Variants in SPATA17 observed in about 807,000 individuals in gnomAD.
SPATA17 encodes spermatogenesis associated 17.
In SPATA17, 53 loss-of-function variants were observed where a neutral mutation model predicts 62.2. The observed-to-expected ratio is 0.85, with a 90% confidence interval of 0.68 to 1.07. The LOEUF (loss-of-function observed/expected upper bound fraction) is 1.07. SPATA17 is among the 50% of genes least tolerant of loss of function. SPATA17 has a pLI of 0.00. For synonymous variants in SPATA17, 146 were observed against 146.8 expected (o/e 0.99, Z 0.04); for missense variants, 466 against 425.5 (o/e 1.10, Z -0.84).
rs1235599790 is a variant in SPATA17, at chr1:217,827,353, T to C, written c.1005+25503T>C. On this transcript the variant is annotated intron_variant, in intron 9 of 10. Transcript: ENST00000366933. Reference sequence around the variant, plus strand: ...AAAATGTCCATACTACCCAAAGCAATATACACATTTAAGACAATTTCTATT... The same window carrying C: ...AAAATGTCCATACTACCCAAAGCAACATACACATTTAAGACAATTTCTATT... 2.0e-5 allele frequency among the ~76,000 whole-genome samples: 3 copies of C among 152,124 alleles called. No individual in the cohort carries two copies. The East Asian group carries it at 5.8e-4, about 29-fold the overall frequency.
intron 5 of SPATA17, among the ~76,000 whole-genome samples, chr1:217,703,368 C>T (rs761962009): frequency 1.2e-4 from 18 of 150,634 alleles, no homozygotes; most frequent in East Asian, 4.0e-4. Flanking sequence ...GACGGGGTTT[C>T]GCCATGTTGG....
chr1:217,815,933 A>G (rs1674701480), intron 9 of SPATA17, among the ~76,000 whole-genome samples: 1 of 152,144 alleles, frequency 6.6e-6, no homozygotes, highest in African/African-American at 2.4e-5. Flanking sequence ...ACCCTGACTT[A>G]CATAGAGTGA....
chr1:217,785,943 G>GC (rs1278721110), intron 8 of SPATA17, among the ~76,000 whole-genome samples: 1 of 152,042 alleles, frequency 6.6e-6, no homozygotes, highest in Non-Finnish European at 1.5e-5. Flanking sequence ...ATTTTCTCAT[G>GC]CCATCTCAAA....
At chr1:217,647,555 G>C (rs571135351) in intron 1 of SPATA17, among the ~76,000 whole-genome samples, 86 of 152,098 alleles carry the variant, frequency 5.7e-4, no homozygotes, top group Non-Finnish European at 1.2e-3. Context: ...TTTTAAATAT[G>C]ATTGTGGCAA....
intron 1 of SPATA17, among the ~76,000 whole-genome samples, chr1:217,644,813 T>C (rs1340326286): frequency 6.6e-6 from 1 of 152,126 alleles, no homozygotes; most frequent in Non-Finnish European, 1.5e-5. Context: ...CTTTCATCAT[T>C]ATTAATTCAT....
At chr1:217,845,983 G>T (rs941268382) in intron 9 of SPATA17, among the ~76,000 whole-genome samples, 4 of 152,054 alleles carry the variant, frequency 2.6e-5, no homozygotes, top group African/African-American at 9.7e-5. Flanking sequence ...CTTGGAAGAG[G>T]AAATTCTTCT....
At chr1:217,680,137 G>C (rs1408380848) in intron 4 of SPATA17, among the ~76,000 whole-genome samples, 3 of 152,122 alleles carry the variant, frequency 2.0e-5, no homozygotes, top group Non-Finnish European at 4.4e-5. Flanking sequence ...TTTCCTGTCA[G>C]TACATGTATT....
intron 5 of SPATA17, among the ~76,000 whole-genome samples, chr1:217,741,618 C>T (rs1304607831): frequency 6.6e-6 from 1 of 151,900 alleles, no homozygotes; most frequent in East Asian, 1.9e-4. Context: ...TAAGGGAAAA[C>T]AGTAGCACAG....
intron 3 of SPATA17, among the ~76,000 whole-genome samples, chr1:217,666,893 G>T (rs1670708551): frequency 6.6e-6 from 1 of 152,008 alleles, no homozygotes; most frequent in Non-Finnish European, 1.5e-5. Flanking sequence ...TCAATTAGTG[G>T]TTCACTTAAG....
intron 7 of SPATA17, among the ~76,000 whole-genome samples, chr1:217,777,702 C>G (rs1169720135): frequency 6.6e-6 from 1 of 152,082 alleles, no homozygotes; most frequent in Non-Finnish European, 1.5e-5. Flanking sequence ...ACGCCAGGCC[C>G]ATGTATCAGC....
intron 9 of SPATA17, among the ~76,000 whole-genome samples, chr1:217,847,722 A>C (rs1202135051): frequency 6.6e-6 from 1 of 152,174 alleles, no homozygotes; most frequent in Non-Finnish European, 1.5e-5. Flanking sequence ...ATTTAAGGTA[A>C]ATGTAACTAC....
chr1:217,664,320 T>G (rs1571715592), intron 3 of SPATA17, among the ~76,000 whole-genome samples: 1 of 126,848 alleles, frequency 7.9e-6, no homozygotes, highest in Non-Finnish European at 1.6e-5. Context: ...TGAGATGGAG[T>G]CTCACTCTGT....
chr1:217,738,600 AG>A, intron 5 of SPATA17, among the ~76,000 whole-genome samples: 1 of 152,344 alleles, frequency 6.6e-6, no homozygotes, highest in East Asian at 1.9e-4. Context: ...TGCAGCCCAG[AG>A]GGTAAACAGC....
intron 5 of SPATA17, among the ~76,000 whole-genome samples, chr1:217,714,412 T>C (rs1447896478): frequency 6.6e-6 from 1 of 150,968 alleles, no homozygotes; most frequent in African/African-American, 2.4e-5. Flanking sequence ...AAGCAAAATA[T>C]CATGCACTAT....
chr1:217,667,999 C>T (rs1428325211), intron 3 of SPATA17, among the ~76,000 whole-genome samples: 1 of 152,208 alleles, frequency 6.6e-6, no homozygotes, highest in Non-Finnish European at 1.5e-5. Flanking sequence ...GCAATTCAAA[C>T]AACACTAATT....
intron 5 of SPATA17, among the ~76,000 whole-genome samples, chr1:217,738,173 G>T (rs1672554391): frequency 6.6e-6 from 1 of 152,182 alleles, no homozygotes; most frequent in Non-Finnish European, 1.5e-5. Flanking sequence ...TTTGCAAGGA[G>T]AAACCACCCC....
intron 9 of SPATA17, among the ~76,000 whole-genome samples, chr1:217,809,747 A>AGAAAAC (rs1260465721): frequency 2.6e-5 from 4 of 152,196 alleles, no homozygotes; most frequent in African/African-American, 9.6e-5. Context: ...CACACTGGGG[A>AGAAAAC]TCAAATTTCA....
intron 8 of SPATA17, among the ~76,000 whole-genome samples, chr1:217,796,574 T>C (rs1208909295): frequency 6.6e-6 from 1 of 152,210 alleles, no homozygotes; most frequent in African/African-American, 2.4e-5. Flanking sequence ...GGGGAAGATA[T>C]TGCTGCCTAA....
At chr1:217,657,255 G>T (rs951273754) in intron 3 of SPATA17, among the ~76,000 whole-genome samples, 3 of 152,150 alleles carry the variant, frequency 2.0e-5, no homozygotes. Context: ...AATGCCAAAT[G>T]CTGCATTGCT....
Sources: gnomAD v4.1 joint callset for allele counts (sites outside exome capture counted in the v4.1 genomes callset) on GRCh38, gnomAD v4.1.1 for gene constraint, MANE v1.5 for transcripts, NCBI Gene and HGNC (gene_info 2026-07-23, HGNC 2026-07-21) for gene names.